Variants in ANTXR2 observed in about 807,000 individuals in gnomAD.
ANTXR2 encodes ANTXR cell adhesion molecule 2, also known as anthrax toxin receptor 2.
Under a neutral mutation model 73.7 loss-of-function variants are expected in ANTXR2, and 44 were observed. That is an observed-to-expected ratio of 0.60 (90% CI 0.47 to 0.77). The LOEUF (loss-of-function observed/expected upper bound fraction) is 0.77, where lower values mean the gene tolerates loss of function less well. Ranked by LOEUF, ANTXR2 falls within the 30% of genes least tolerant of loss-of-function variation. ANTXR2 has a pLI of 0.00. For missense variants in ANTXR2, 604 were observed against 592.5 expected (o/e 1.02, Z -0.20); for synonymous variants, 217 against 205.9 (o/e 1.05, Z -0.46).
chr4:79,915,228 A>T (rs1171798423), intron 16 of ANTXR2, among the ~76,000 whole-genome samples: 1 of 152,180 alleles, frequency 6.6e-6, no homozygotes, highest in African/African-American at 2.4e-5. Flanking sequence ...ATATGACAAC[A>T]GTAGGAACTG....
Position 80,055,171 on chromosome 4 carries a change from G to C in ANTXR2, c.534C>G (p.Val178=), listed in dbSNP as rs1456512212. The C allele has an allele frequency of 6.4e-7, 1 of 1,564,686 alleles. No individual in the cohort carries two copies. Among genetic ancestry groups the C allele is most frequent in the South Asian group, 1.2e-5 (1 of 85,040 alleles). The change falls in exon 6 of 17, where the codon GTC becomes GTG. Residue 178 remains valine (V), a synonymous_variant. Transcript: ENST00000403729. ...SLGASVYCVG[V]LDFEQAQLER... ...TTACCTGTGCTTGTTCAAAATCAAG[G>C]ACACCAACACAATAAACACTAGCCC...
chr4:79,907,935 T>C (rs1407293626), intron 16 of ANTXR2, among the ~76,000 whole-genome samples: 2 of 152,166 alleles, frequency 1.3e-5, no homozygotes, highest in Non-Finnish European at 2.9e-5. Context: ...GTAATTCCCT[T>C]TTATGAAGGA....
In ANTXR2 at chr4:80,026,497, A is replaced by G. The variant is rs1732450935; in HGVS notation, c.866+5126T>C. Among the ~76,000 whole-genome samples, 4 of 152,156 alleles carry G rather than the reference A, an allele frequency of 2.6e-5. 1 individual carries two copies. In the South Asian group the frequency reaches 8.3e-4, roughly 31 times the overall value. On this transcript the variant is annotated intron_variant, in intron 10 of 16. Coordinates refer to ENST00000403729, the MANE Select transcript of ANTXR2 (RefSeq NM_058172.6). ...AAGCTTTGATAATATAAAATTTAGA[A>G]GCAGATATATAAGAGGATTTAAGTA...
chr4:79,962,179 G>T (rs749254390), intron 16 of ANTXR2, among the ~76,000 whole-genome samples: 2 of 151,994 alleles, frequency 1.3e-5, no homozygotes, highest in Non-Finnish European at 2.9e-5. Context: ...TCATGAATTT[G>T]TTATTTTCCA....
At chr4:80,011,536 A>T (rs1017339228) in intron 11 of ANTXR2, among the ~76,000 whole-genome samples, 1 of 152,168 alleles carries the variant, frequency 6.6e-6, no homozygotes, top group South Asian at 2.1e-4. Context: ...TATTTATTAG[A>T]ACTTTTTCAG....
Position 79,904,877 on chromosome 4 carries a change from A to G in ANTXR2, c.*2552T>C, listed in dbSNP as rs982592332. 2.6e-5 allele frequency: 4 copies of G among 152,174 alleles called. No homozygotes were observed. The highest frequency in any genetic ancestry group is 2.0e-4 in the Admixed American group (3 of 15,254). The allele number at this position is 152,174 out of a possible 1,614,324, so 9.4% of individuals were successfully genotyped here. A position where few individuals can be genotyped will look rare whatever the true frequency, so the allele number is the denominator to read the frequency against. ...TTTAATCTTTTTTTGGTGGAAAAGT[A>G]TAGGGATTTTTGATCTGGTCTTTTG... On this transcript the variant is annotated 3_prime_UTR_variant, in exon 17 of 17. Transcript: ENST00000403729.
At chr4:79,916,423 T>C (rs1004026114) in intron 16 of ANTXR2, among the ~76,000 whole-genome samples, 2 of 152,114 alleles carry the variant, frequency 1.3e-5, no homozygotes, top group Non-Finnish European at 1.5e-5. Context: ...CAGAATTCTA[T>C]ATACCTTTTT....
At chr4:80,032,177 T>C (rs1732728176) in intron 9 of ANTXR2, among the ~76,000 whole-genome samples, 1 of 151,676 alleles carries the variant, frequency 6.6e-6, no homozygotes, top group South Asian at 2.1e-4. Context: ...TAATAAAATA[T>C]GAAAAAAATG....
At chr4:79,981,450 A>G (rs908358812) in intron 14 of ANTXR2, among the ~76,000 whole-genome samples, 1 of 152,152 alleles carries the variant, frequency 6.6e-6, no homozygotes, top group African/African-American at 2.4e-5. Flanking sequence ...TTTATGGTAT[A>G]TTTTAAATTC....
intron 16 of ANTXR2, among the ~76,000 whole-genome samples, chr4:79,912,199 C>A (rs778290820): frequency 6.6e-6 from 1 of 151,782 alleles, no homozygotes; most frequent in African/African-American, 2.4e-5. Context: ...AATTTTATCA[C>A]TGACTTTATG....
intron 10 of ANTXR2, among the ~76,000 whole-genome samples, chr4:80,026,835 T>C (rs1415263564): frequency 1.3e-5 from 2 of 152,162 alleles, no homozygotes; most frequent in Non-Finnish European, 2.9e-5. Flanking sequence ...AACATTCCCA[T>C]ACATGGTGAC....
chr4:80,054,131 G>A, intron 7 of ANTXR2, 141 bp downstream of exon 7: 1 of 639,414 alleles, frequency 1.6e-6, no homozygotes, highest in South Asian at 2.1e-5. Flanking sequence ...GAATTACACT[G>A]TTTGCAATAC....
chr4:80,004,134 G>A (rs1731190334), intron 12 of ANTXR2, among the ~76,000 whole-genome samples: 1 of 148,738 alleles, frequency 6.7e-6, no homozygotes, highest in Admixed American at 6.7e-5. Context: ...CGGGAATTAT[G>A]CTGAATGAAA....
At chr4:79,946,735 T>G (rs1185173587) in intron 16 of ANTXR2, among the ~76,000 whole-genome samples, 1 of 152,116 alleles carries the variant, frequency 6.6e-6, no homozygotes, top group African/African-American at 2.4e-5. Context: ...TAAAATACAT[T>G]TATAAGAAAA....
intron 10 of ANTXR2, chr4:80,024,672 G>A: frequency 2.2e-6 from 1 of 452,352 alleles, no homozygotes. Context: ...TGAAGTAGGA[G>A]GATCACCTGA....
rs1206328812 is a variant in ANTXR2 at position 80,071,628 on chromosome 4, A to T, written c.179T>A (p.Ile60Asn). 1.4e-5 allele frequency: 23 copies of T among 1,613,446 alleles called. No homozygotes were observed. The highest frequency in any genetic ancestry group is 2.0e-5 in the Non-Finnish European group (23 of 1,179,406). ...DKSGSVANNW[I>N]EIYNFVQQLA... Reference sequence around the variant, plus strand: ...TTGCTGTACGAAATTATAAATTTCAATCCAGTTATTTGCCACACTCCCAGA... The same window carrying T: ...TTGCTGTACGAAATTATAAATTTCATTCCAGTTATTTGCCACACTCCCAGA... Residue 60 changes from isoleucine to asparagine, a missense_variant, in exon 2 of 17, where the codon ATT becomes AAT. Physicochemically the swap from Ile to Asn is moderately radical, Grantham distance 149 (BLOSUM62 -3). Transcript: ENST00000403729.
intron 1 of ANTXR2, 150 bp from the exon 2 acceptor site, chr4:80,071,804 T>A (rs903767296): frequency 1.3e-5 from 8 of 631,752 alleles, no homozygotes; most frequent in Non-Finnish European, 1.9e-5. Context: ...GAAACTTTGG[T>A]GGTACCCAGA....
intron 3 of ANTXR2, among the ~76,000 whole-genome samples, chr4:80,064,021 GTTAC>G (rs1371793662): frequency 6.6e-6 from 1 of 151,894 alleles, no homozygotes; most frequent in Non-Finnish European, 1.5e-5. Flanking sequence ...CAATTAATAA[GTTAC>G]TTACTGTATA....
At chr4:80,035,893 CAT>C (rs1732932146) in intron 8 of ANTXR2, 77 bp downstream of exon 8, 1 of 1,206,648 alleles carries the variant, frequency 8.3e-7, no homozygotes. Flanking sequence ...CTTTTTCCAA[CAT>C]GAGTTTCATA....
Sources: gnomAD v4.1 joint callset for allele counts (sites outside exome capture counted in the v4.1 genomes callset) on GRCh38, gnomAD v4.1.1 for gene constraint, MANE v1.5 for transcripts, NCBI Gene and HGNC (gene_info 2026-07-23, HGNC 2026-07-21) for gene names.